SLC26A7: variants seen among roughly 807,000 people sequenced by gnomAD.
SLC26A7 encodes the protein solute carrier family 26 member 7.
Under a neutral mutation model 82.5 loss-of-function variants are expected in SLC26A7, and 59 were observed. That is an observed-to-expected ratio of 0.72 (90% CI 0.58 to 0.89). The LOEUF (loss-of-function observed/expected upper bound fraction) is 0.89, where lower values mean the gene tolerates loss of function less well. Ranked by LOEUF, SLC26A7 falls within the 40% of genes least tolerant of loss-of-function variation. The pLI is 0.00. For missense variants in SLC26A7, 820 were observed against 793.0 expected, an observed-to-expected ratio of 1.03 and a Z score of -0.41; for synonymous variants, 271 against 274.3, an observed-to-expected ratio of 0.99 and a Z score of 0.12.
chr8:91,296,366 G>GT (rs1178221387), intron 4 of SLC26A7, among the ~76,000 whole-genome samples: 1 of 152,176 alleles, frequency 6.6e-6, no homozygotes, highest in Non-Finnish European at 1.5e-5. Context: ...GGAATTGCCT[G>GT]TTTGATAGCC....
intron 5 of SLC26A7, among the ~76,000 whole-genome samples, chr8:91,332,265 TTA>T (rs1228770288): frequency 3.5e-5 from 5 of 143,526 alleles, no homozygotes; most frequent in Non-Finnish European, 7.6e-5. Context: ...AAATTTATAA[TTA>T]TATATAGTTA....
At chr8:91,351,302 A>T (rs1263090551) in intron 9 of SLC26A7, among the ~76,000 whole-genome samples, 1 of 152,138 alleles carries the variant, frequency 6.6e-6, no homozygotes, top group Non-Finnish European at 1.5e-5. Context: ...CCCATATCCC[A>T]TATAACTACT....
chr8:91,358,006 A>C lies in SLC26A7; in HGVS notation c.1315-4347A>C, dbSNP rs1430305692. The stretch of plus-strand genomic sequence containing the variant: ...TTTATGCAGCCAACAGACACATGAA[A>C]AAATACTCATCATCACTGGCCATCA... On this transcript the variant is annotated intron_variant, in intron 11 of 18. Coordinates refer to ENST00000276609, the MANE Select transcript of SLC26A7 (RefSeq NM_052832.4). Among the ~76,000 whole-genome samples, 12 of 152,362 alleles carry C rather than the reference A, an allele frequency of 7.9e-5. No homozygotes were observed. In the East Asian group the frequency reaches 2.3e-3, roughly 29 times the overall value.
intron 18 of SLC26A7, 169 bp downstream of exon 18, chr8:91,394,208 CT>C (rs139042959): frequency 0.062 from 100,376 of 1,612,964 alleles, 3,543 homozygotes; most frequent in African/African-American, 0.13. Context: ...TGTTTCCATT[CT>C]TTTTTTAGGC....
intron 2 of SLC26A7, among the ~76,000 whole-genome samples, chr8:91,255,224 T>C (rs1046780847): frequency 1.3e-5 from 2 of 152,136 alleles, no homozygotes; most frequent in South Asian, 2.1e-4. Flanking sequence ...GCCATAGGGT[T>C]GCCTGATGTT....
chr8:91,343,345 T>A lies in SLC26A7; in HGVS notation c.1027-8T>A. ...AAGATATTATATATTCTCTCATGAA[T>A]CTTGCAGGAATTTTTGGCCCATGGC... On this transcript the variant is annotated splice_polypyrimidine_tract_variant and splice_region_variant and intron_variant, in intron 8 of 18. Coordinates refer to ENST00000276609, the MANE Select transcript of SLC26A7 (RefSeq NM_052832.4). The A allele has an allele frequency of 6.4e-7, 1 of 1,556,900 alleles. No homozygotes were observed. The highest frequency in any genetic ancestry group is 8.8e-7 in the Non-Finnish European group (1 of 1,134,606).
chr8:91,393,914 T>C (rs1808479060), intron 17 of SLC26A7, 22 bp from the exon 18 acceptor site: 2 of 1,612,474 alleles, frequency 1.2e-6, no homozygotes, highest in Non-Finnish European at 1.7e-6. Flanking sequence ...TGTATTCTTA[T>C]ATCACTTGTG....
At chr8:91,301,829 G>A (rs1812175411) in intron 4 of SLC26A7, among the ~76,000 whole-genome samples, 2 of 151,208 alleles carry the variant, frequency 1.3e-5, no homozygotes, top group Admixed American at 6.6e-5. Context: ...ATTGATAAAA[G>A]CACATAGTGC....
intron 4 of SLC26A7, among the ~76,000 whole-genome samples, chr8:91,313,270 A>C (rs529962028): frequency 6.6e-6 from 1 of 152,226 alleles, no homozygotes; most frequent in South Asian, 2.1e-4. Flanking sequence ...ATGGTCTTGT[A>C]CACTTGTCAA....
chr8:91,352,874 C>T, intron 10 of SLC26A7, 27 bp from the exon 11 acceptor site: 1 of 1,551,412 alleles, frequency 6.4e-7, no homozygotes, highest in Non-Finnish European at 8.8e-7. Flanking sequence ...TATGTTGCTT[C>T]TTCTTCAACT....
upstream of SLC26A7, among the ~76,000 whole-genome samples, chr8:91,245,659 G>A (rs771883060): frequency 6.6e-6 from 1 of 152,074 alleles, no homozygotes; most frequent in Non-Finnish European, 1.5e-5. Context: ...TGTCTTAGGT[G>A]TCCCAATCTC....
At position 91,366,587 on chromosome 8, in the gene SLC26A7, T is replaced by C. The variant is rs1412185398; in HGVS notation, c.1496T>C (p.Leu499Pro). 7 of 1,612,554 alleles carry C rather than the reference T, an allele frequency of 4.3e-6. No homozygotes were observed. The South Asian group carries it at 6.6e-5, about 15-fold the overall frequency. ...KVKTEMDSETLQQVKIISINN... is the reference protein window; with the variant it reads ...KVKTEMDSETPQQVKIISINN... ...GTTTTTCTCCTCCAAAAGGAAACCC[T>C]GCAGCAGGTGAAAATTATCTCAATA... The change falls in exon 14 of 19, where the codon CTG (leucine) becomes CCG (proline). Residue 499 changes from leucine (L) to proline (P), a missense_variant. Physicochemically the swap from Leu to Pro is moderately conservative, Grantham distance 98 (BLOSUM62 -3). Coordinates refer to ENST00000276609, the MANE Select transcript of SLC26A7 (RefSeq NM_052832.4).
At chr8:91,381,784 A>C (rs1284872487) in intron 15 of SLC26A7, among the ~76,000 whole-genome samples, 1 of 151,610 alleles carries the variant, frequency 6.6e-6, no homozygotes, top group East Asian at 1.9e-4. Context: ...GCCCTGCTGT[A>C]CTCTCCTATG....
At chr8:91,265,987 G>T (rs750747697) in intron 2 of SLC26A7, among the ~76,000 whole-genome samples, 22 of 151,982 alleles carry the variant, frequency 1.4e-4, no homozygotes, top group Admixed American at 1.0e-3. Context: ...GTGCTTTTGA[G>T]ATCCTATCCA....
At chr8:91,388,001 T>C (rs1323886156) in intron 15 of SLC26A7, among the ~76,000 whole-genome samples, 1 of 152,258 alleles carries the variant, frequency 6.6e-6, no homozygotes, top group Non-Finnish European at 1.5e-5. Context: ...CCAAGTCTTA[T>C]ACCTGACTAC....
At chr8:91,339,424 T>G (rs937719544) in intron 7 of SLC26A7, among the ~76,000 whole-genome samples, 2 of 152,152 alleles carry the variant, frequency 1.3e-5, no homozygotes, top group African/African-American at 2.4e-5. Flanking sequence ...AGCTCTGCCA[T>G]TCACCTTGTG....
intron 6 of SLC26A7, among the ~76,000 whole-genome samples, chr8:91,337,249 C>T (rs1245357719): frequency 2.0e-5 from 3 of 151,970 alleles, no homozygotes; most frequent in South Asian, 2.1e-4. Context: ...TATTATTGGC[C>T]ATTGATTATT....
chr8:91,306,093 A>T (rs1812296938), intron 4 of SLC26A7, among the ~76,000 whole-genome samples: 1 of 152,108 alleles, frequency 6.6e-6, no homozygotes, highest in Admixed American at 6.6e-5. Flanking sequence ...TCTGTTACTC[A>T]CTTTTGGCTA....
intron 3 of SLC26A7, among the ~76,000 whole-genome samples, chr8:91,292,791 A>G (rs1811909123): frequency 6.6e-6 from 1 of 152,166 alleles, no homozygotes; most frequent in African/African-American, 2.4e-5. Context: ...TGCAAAGAAC[A>G]TATATTGGAA....
Sources: allele counts gnomAD v4.1 joint callset (sites outside exome capture counted in the v4.1 genomes callset), GRCh38; gene constraint gnomAD v4.1.1; transcripts MANE v1.5; gene names NCBI Gene and HGNC (gene_info 2026-07-23, HGNC 2026-07-21).